The following PCDHGA3 variants were observed in gnomAD, a reference collection of about 807,000 sequenced individuals.
The protein encoded by PCDHGA3 is protocadherin gamma-A3.
PCDHGA3 carries 40 observed loss-of-function variants against 58.5 expected under a neutral mutation model. The ratio of observed to expected loss-of-function variants is 0.68; its 90% CI spans 0.53 to 0.89. PCDHGA3 has a LOEUF of 0.89. PCDHGA3 is among the 40% of genes least tolerant of loss of function. The pLI is 0.00. For synonymous variants in PCDHGA3, 530 were observed against 525.7 expected (o/e 1.01, Z -0.11); for missense variants, 1,223 against 1,195.9 (o/e 1.02, Z -0.33).
intron 1 of PCDHGA3, chr5:141,374,947 C>G (rs768274787): frequency 6.2e-7 from 1 of 1,613,900 alleles, no homozygotes; most frequent in African/African-American, 1.3e-5. Context: ...CAGAAAAGAT[C>G]TCACAAATTT....
rs772345742 is a variant in PCDHGA3 at position 141,398,560 on chromosome 5, T to C, written c.2424+52103T>C. 17 of 1,613,792 alleles carry C rather than the reference T, an allele frequency of 1.1e-5. No individual in the cohort carries two copies. The Admixed American group carries it at 2.2e-4, about 21-fold the overall frequency. ...TTCCTTTGAGCTGCAAATAAGTGAG[T>C]CTGCACAGCCTGGCACAAGATTTAT... On this transcript the variant is annotated intron_variant, in intron 1 of 3. Transcript: ENST00000253812.
intron 1 of PCDHGA3, chr5:141,399,774 C>A (rs758550367): frequency 1.2e-6 from 2 of 1,613,116 alleles, no homozygotes; most frequent in South Asian, 2.2e-5. Flanking sequence ...TGTTGGTGGG[C>A]GACCGAAACG....
chr5:141,450,210 G>T (rs2098673599), intron 1 of PCDHGA3, among the ~76,000 whole-genome samples: 1 of 151,786 alleles, frequency 6.6e-6, no homozygotes. Flanking sequence ...TAGAGACAAG[G>T]TTTCACTATG....
chr5:141,444,915 T>C (rs1262912255), intron 1 of PCDHGA3, among the ~76,000 whole-genome samples: 1 of 152,174 alleles, frequency 6.6e-6, no homozygotes, highest in East Asian at 1.9e-4. Flanking sequence ...TCTATACCTT[T>C]ATCAGGGAAA....
chr5:141,430,975 G>A (rs776670383), intron 1 of PCDHGA3: 2 of 1,613,208 alleles, frequency 1.2e-6, no homozygotes, highest in Admixed American at 1.7e-5. Flanking sequence ...GAGGTAGGAC[G>A]CAGCTTTTCG....
rs780788394 is a variant in PCDHGA3 at position 141,491,675 on chromosome 5, C to T, written c.2425-3132C>T. ...GAGCCTGACGCCATCCGGTCCCGCT[C>T]TAATACGCTGCGGGAGCGGAGCCAG... On this transcript the variant is annotated intron_variant, in intron 1 of 3. Transcript: ENST00000253812. The surrounding 1 kb of genome is among the most constrained non-coding windows in gnomAD (Gnocchi z 6.9). 6 of 1,613,450 alleles carry T rather than the reference C, an allele frequency of 3.7e-6. No homozygotes were observed. The African/African-American group carries it at 8.0e-5, about 22-fold the overall frequency.
chr5:141,375,842 C>CT (rs1331781655), intron 1 of PCDHGA3: 1 of 1,614,004 alleles, frequency 6.2e-7, no homozygotes, highest in Non-Finnish European at 8.5e-7. Flanking sequence ...GCCCGGCTAC[C>CT]TGGTGACCAA....
At chr5:141,478,332 G>A (rs773442842) in intron 1 of PCDHGA3, 1 of 1,613,924 alleles carries the variant, frequency 6.2e-7, no homozygotes, top group Non-Finnish European at 8.5e-7. Context: ...CGAACACCAG[G>A]GCCCTCCTTG....
chr5:141,460,075 C>T (rs2098981644), intron 1 of PCDHGA3, among the ~76,000 whole-genome samples: 2 of 151,896 alleles, frequency 1.3e-5, no homozygotes, highest in East Asian at 1.9e-4. Context: ...GAGACTTCAT[C>T]TAAAAAATAA....
At chr5:141,355,860 G>C (rs1289299237) in intron 1 of PCDHGA3, 3 of 1,612,220 alleles carry the variant, frequency 1.9e-6, no homozygotes, top group Non-Finnish European at 2.5e-6. Context: ...GAGGTGACCC[G>C]GTTCGCTCTG....
chr5:141,344,074 C>G lies in PCDHGA3; in HGVS notation c.41C>G (p.Ala14Gly), dbSNP rs768383446. The change falls in exon 1 of 4, where the codon GCC becomes GGC. Residue 14 changes from alanine to glycine, a missense_variant. Transcript: ENST00000253812. ...CLSFRNGRGL[A>G]LLCALLGTLC... ...AGTTTCCGAAATGGCAGAGGACTGG[C>G]CCTGCTGTGCGCGCTCCTGGGGACG... 1.9e-6 allele frequency: 3 copies of G among 1,608,972 alleles called. No individual in the cohort carries two copies. The highest frequency in any genetic ancestry group is 1.3e-5 in the African/African-American group (1 of 74,910).
chr5:141,362,549 T>C (rs1762561997), intron 1 of PCDHGA3: 1 of 1,612,502 alleles, frequency 6.2e-7, no homozygotes, highest in Admixed American at 1.7e-5. Context: ...TCAGATACTA[T>C]TTTGAAGGTG....
intron 1 of PCDHGA3, chr5:141,413,452 AGGATAGACC>A (rs2095643065): frequency 6.2e-7 from 1 of 1,614,124 alleles, no homozygotes; most frequent in Admixed American, 1.7e-5. Context: ...CACCGCGGGC[AGGATAGACC>A]GGGAGGAGCT....
intron 1 of PCDHGA3, among the ~76,000 whole-genome samples, chr5:141,472,980 C>CAAAAAAAAAAAAAAAA (rs60579131): frequency 2.8e-4 from 24 of 86,024 alleles, no homozygotes; most frequent in East Asian, 1.2e-3. Context: ...GAGTGAAACT[C>CAAAAAAAAAAAAAAAA]AAAAAAAAAA....
chr5:141,361,554 A>C, intron 1 of PCDHGA3: 3 of 1,614,062 alleles, frequency 1.9e-6, no homozygotes, highest in Non-Finnish European at 2.5e-6. Flanking sequence ...CTATCGCTCA[A>C]ATCAGTGCCT....
chr5:141,363,169 T>A (rs2149843303), intron 1 of PCDHGA3, among the ~76,000 whole-genome samples: 1 of 152,382 alleles, frequency 6.6e-6, no homozygotes, highest in Admixed American at 6.5e-5. Context: ...TTCTCTAACA[T>A]GCATTTTAAC....
Position 141,431,352 on chromosome 5 carries a change from G to C in PCDHGA3, c.2425-63455G>C. Reference sequence around the variant, plus strand: ...AAGTACCCCGAATTGGTGCTGAAACGCGCCCTGGACCGCGAAGAAAAGGCT... The same window carrying C: ...AAGTACCCCGAATTGGTGCTGAAACCCGCCCTGGACCGCGAAGAAAAGGCT... On this transcript the variant is annotated intron_variant, in intron 1 of 3. Coordinates refer to ENST00000253812, the MANE Select transcript of PCDHGA3 (RefSeq NM_018916.4). This position sits in a 1 kb window ranked among gnomAD's most constrained non-coding sequence, Gnocchi z 4.8. The C allele has an allele frequency of 6.2e-7, 1 of 1,614,044 alleles. No individual in the cohort carries two copies. The highest frequency in any genetic ancestry group is 8.5e-7 in the Non-Finnish European group (1 of 1,180,032).
At chr5:141,503,230 G>A (rs911238781) in intron 2 of PCDHGA3, among the ~76,000 whole-genome samples, 1 of 152,006 alleles carries the variant, frequency 6.6e-6, no homozygotes, top group African/African-American at 2.4e-5. Context: ...CCGTAAAGAT[G>A]GACAGTTTCT....
chr5:141,395,022 G>T, intron 1 of PCDHGA3: 1 of 1,614,128 alleles, frequency 6.2e-7, no homozygotes, highest in Non-Finnish European at 8.5e-7. Context: ...AGGCGTGCCT[G>T]CCTCACATTT....
Sources: allele counts gnomAD v4.1 joint callset (sites outside exome capture counted in the v4.1 genomes callset), GRCh38; gene constraint gnomAD v4.1.1; non-coding constraint Gnocchi (gnomAD v3.1); transcripts MANE v1.5; gene names NCBI Gene and HGNC (gene_info 2026-07-23, HGNC 2026-07-21).